The following PABPC1 variants were observed in gnomAD, a reference collection of about 807,000 sequenced individuals.
PABPC1 encodes polyadenylate-binding protein 1.
Under a neutral mutation model 74.0 loss-of-function variants are expected in PABPC1, and 4 were observed. The observed-to-expected ratio is 0.05, with a 90% CI of 0.03 to 0.12. The LOEUF is 0.12. Ranked by LOEUF, PABPC1 falls within the 10% of genes least tolerant of loss-of-function variation. The pLI is 1.00. For missense variants in PABPC1, 271 were observed against 821.1 expected, an observed-to-expected ratio of 0.33 and a Z score of 8.19; for synonymous variants, 227 against 264.1, an observed-to-expected ratio of 0.86 and a Z score of 1.36.
chr8:100,712,575 C>T (rs1031725048), intron 6 of PABPC1, 77 bp downstream of exon 6: 1 of 1,541,280 alleles, frequency 6.5e-7, no homozygotes, highest in Non-Finnish European at 8.8e-7. Context: ...CCTCCAGCTA[C>T]CTGGAAGTAA....
intron 1 of PABPC1, among the ~76,000 whole-genome samples, chr8:100,718,705 A>G (rs1023122118): frequency 6.6e-6 from 1 of 152,242 alleles, no homozygotes; most frequent in African/African-American, 2.4e-5. Context: ...AGATTTAAAT[A>G]TTTTAACTTC....
At chr8:100,704,469 C>G (rs1810329420) in intron 13 of PABPC1, 79 bp from the exon 14 acceptor site, 2 of 1,146,350 alleles carry the variant, frequency 1.7e-6, no homozygotes, top group Non-Finnish European at 2.6e-6. Flanking sequence ...CATACCAATT[C>G]CCAACAAAGA....
chr8:100,709,771 A>G (rs761081452), intron 7 of PABPC1, 40 bp from the exon 8 acceptor site: 7 of 1,542,278 alleles, frequency 4.5e-6, no homozygotes, highest in Non-Finnish European at 6.1e-6. Context: ...GTAATGGTAG[A>G]ATGAGGAGCA....
chr8:100,712,598 TAAAATAG>T (rs1435739741), intron 6 of PABPC1, 47 bp downstream of exon 6: 1 of 1,573,972 alleles, frequency 6.4e-7, no homozygotes, highest in African/African-American at 1.4e-5. Context: ...GAAATCAACG[TAAAATAG>T]GTTTCCTCAT....
At chr8:100,710,635 C>A (rs1472165344) in intron 7 of PABPC1, among the ~76,000 whole-genome samples, 4 of 152,170 alleles carry the variant, frequency 2.6e-5, no homozygotes, top group Non-Finnish European at 5.9e-5. Context: ...TCTAAGATGA[C>A]ACACACACAA....
chr8:100,709,511 T>C lies in PABPC1; in HGVS notation c.1193A>G (p.Asn398Ser), dbSNP rs771759639. The stretch of plus-strand genomic sequence containing the variant: ...TGAAGGAGGTGCTGGCTGGTAGGGG[T>C]TGATTACAGGGTTGGGAACAGCTCG... ...SVRAVPNPVI[N>S]PYQPAPPSGY... The change falls in exon 8 of 15, where the codon AAC becomes AGC. Residue 398 changes from asparagine to serine, a missense_variant. Asn to Ser is a conservative substitution (Grantham distance 46, BLOSUM62 1). Around this residue, in one of 7 missense-constraint regions of PABPC1, gnomAD observed 103 missense variants for 245.3 expected, o/e 0.42. Transcript: ENST00000318607. 9 of 1,614,148 alleles carry C rather than the reference T, an allele frequency of 5.6e-6. No individual in the cohort carries two copies. The South Asian group carries it at 7.7e-5, about 14-fold the overall frequency.
chr8:100,718,359 C>G (rs1439181322), intron 1 of PABPC1, 79 bp from the exon 2 acceptor site: 26 of 1,150,702 alleles, frequency 2.3e-5, no homozygotes, highest in Non-Finnish European at 3.2e-5. Context: ...ACTATGGTGA[C>G]TGGAGTGGGA....
At chr8:100,713,745 C>G (rs1225508776) in intron 4 of PABPC1, among the ~76,000 whole-genome samples, 1 of 152,136 alleles carries the variant, frequency 6.6e-6, no homozygotes, top group Non-Finnish European at 1.5e-5. Context: ...CTTTGACCTC[C>G]CCAAGCGCTA....
chr8:100,720,194 A>C (rs905021756), intron 1 of PABPC1, among the ~76,000 whole-genome samples: 45 of 152,218 alleles, frequency 3.0e-4, no homozygotes, highest in Admixed American at 2.9e-3. Context: ...CGTAAAATGG[A>C]ATTAAGCTGA....
rs1258758805 is a variant in PABPC1, at chr8:100,721,997, A to G, written c.-414T>C. The G allele has an allele frequency of 6.2e-6, 1 of 161,496 alleles. No individual in the cohort carries two copies. Among genetic ancestry groups the G allele is most frequent in the African/African-American group, 2.4e-5 (1 of 40,848 alleles). The allele number at this position is 161,496 out of a possible 1,614,324, so 10.0% of individuals were successfully genotyped here. A position where few individuals can be genotyped will look rare whatever the true frequency, so the allele number is the denominator to read the frequency against. On this transcript the variant is annotated 5_prime_UTR_variant, in exon 1 of 15. Transcript: ENST00000318607. The surrounding 1 kb of genome is among the most constrained non-coding windows in gnomAD (Gnocchi z 7.4). ...TTGGGGTTTTTTAAAAGATTTTTTT[A>G]GATTTTTTTTGGATTTTTTAATAAT...
In PABPC1 at chr8:100,721,347, A is replaced by C. The variant is rs769891540; in HGVS notation, c.193+44T>G. Reference sequence around the variant, plus strand: ...CGCCCGCCGCCGCCGCCCGAGCCTCATGGCCGCCCGCCCGCCCGGCCGACC... The same window carrying C: ...CGCCCGCCGCCGCCGCCCGAGCCTCCTGGCCGCCCGCCCGCCCGGCCGACC... On this transcript the variant is annotated intron_variant, in intron 1 of 14. Transcript: ENST00000318607. The surrounding 1 kb of genome is among the most constrained non-coding windows in gnomAD (Gnocchi z 7.4). 1 of 1,222,252 alleles carries C rather than the reference A, an allele frequency of 8.2e-7. No homozygotes were observed. The highest frequency in any genetic ancestry group is 1.1e-6 in the Non-Finnish European group (1 of 946,260). 75.7% of individuals were successfully genotyped at this position (1,222,252 alleles called of 1,614,324 possible).
intron 9 of PABPC1, among the ~76,000 whole-genome samples, chr8:100,708,911 T>TAAATAAATAAA (rs1810455705): frequency 7.3e-6 from 1 of 137,196 alleles, no homozygotes. Context: ...AAATAAAAAA[T>TAAATAAATAAA]GAAGAGCTGT....
chr8:100,715,614 A>T lies in PABPC1; in HGVS notation c.504-13T>A, dbSNP rs1461534209. The T allele has an allele frequency of 6.3e-7, 1 of 1,588,212 alleles. No homozygotes were observed. The highest frequency in any genetic ancestry group is 8.6e-7 in the Non-Finnish European group (1 of 1,160,428). ...TCGTCCAACAAATCTAATAAGATAT[A>T]CAAGGACTATAACATTAGATTCTAT... On this transcript the variant is annotated splice_polypyrimidine_tract_variant and intron_variant, in intron 3 of 14. Coordinates refer to ENST00000318607, the MANE Select transcript of PABPC1 (RefSeq NM_002568.4).
At position 100,719,341 on chromosome 8, in the gene PABPC1, CAGCTGTT is replaced by C. The variant is rs1810752851; in HGVS notation, c.194-1068_194-1062del. ...CCAGTTTCTAGAATATAGTGATAAT[CAGCTGTT>C]AGCTCATTATCAATTGACCACACCT... On this transcript the variant is annotated intron_variant, in intron 1 of 14. Transcript: ENST00000318607. Among the ~76,000 whole-genome samples the C allele has an allele frequency of 2.6e-5, 4 of 151,632 alleles. No individual in the cohort carries two copies. In the South Asian group the frequency reaches 8.3e-4, roughly 32 times the overall value.
intron 12 of PABPC1, 102 bp from the exon 13 acceptor site, chr8:100,705,158 C>G: frequency 6.7e-6 from 6 of 894,848 alleles, no homozygotes; most frequent in Non-Finnish European, 1.0e-5. Context: ...ACTTCTGTCT[C>G]ACGTATATAA....
In PABPC1 at chr8:100,718,679, G is replaced by A. The variant is rs147554595; in HGVS notation, c.194-399C>T. Among the ~76,000 whole-genome samples, 193 of 152,202 alleles carry A rather than the reference G, an allele frequency of 1.3e-3. 2 individuals are homozygous for A. The highest frequency in any genetic ancestry group is 6.8e-3 in the Middle Eastern group (2 of 294). On this transcript the variant is annotated intron_variant, in intron 1 of 14. Coordinates refer to ENST00000318607, the MANE Select transcript of PABPC1 (RefSeq NM_002568.4). ...CATTACGCAACAGATTTATCTACAA[G>A]CTGGAAGTAGTTTATAGATTTAAAT...
intron 1 of PABPC1, 124 bp from the exon 2 acceptor site, chr8:100,718,404 T>G: frequency 1.4e-6 from 1 of 731,196 alleles, no homozygotes; most frequent in Non-Finnish European, 2.2e-6. Context: ...GCTTCCTCTT[T>G]AAGCTTCAAG....
Position 100,718,286 on chromosome 8 carries a change from G to A in PABPC1, c.194-6C>T. ...GGTGTCCAAAGCACGCTCCGCTGCA[G>A]GAAGGACATTTTCAGAGTCAATATT... On this transcript the variant is annotated splice_region_variant and splice_polypyrimidine_tract_variant and intron_variant, in intron 1 of 14. Transcript: ENST00000318607. 2 of 1,606,150 alleles carry A rather than the reference G, an allele frequency of 1.2e-6. No individual in the cohort carries two copies. The highest frequency in any genetic ancestry group is 8.5e-7 in the Non-Finnish European group (1 of 1,174,600).
At chr8:100,715,892 T>C (rs974517703) in intron 3 of PABPC1, among the ~76,000 whole-genome samples, 8 of 152,200 alleles carry the variant, frequency 5.3e-5, no homozygotes, top group African/African-American at 1.7e-4. Flanking sequence ...TGAGTGGAAG[T>C]GCATGTGTAC....
Sources: allele counts gnomAD v4.1 joint callset (sites outside exome capture counted in the v4.1 genomes callset), GRCh38; gene constraint gnomAD v4.1.1; regional missense constraint gnomAD v4.1.1; non-coding constraint Gnocchi (gnomAD v3.1); transcripts MANE v1.5; gene names NCBI Gene and HGNC (gene_info 2026-07-23, HGNC 2026-07-21).